GRIK2: variants seen among roughly 807,000 people sequenced by gnomAD.
GRIK2 encodes the protein glutamate receptor ionotropic, kainate 2.
A neutral mutation model predicts 100.3 loss-of-function variants in GRIK2; 32 were observed. The ratio of observed to expected loss-of-function variants is 0.32; its 90% CI spans 0.24 to 0.43. The LOEUF is 0.43. Among genes scored for constraint, GRIK2 ranks in the 20% least tolerant of loss-of-function variants. The probability of loss-of-function intolerance (pLI) is 1.00; values close to 1 mark genes in which losing one functional copy is unlikely to be tolerated. For synonymous variants in GRIK2, 417 were observed against 389.4 expected, an observed-to-expected ratio of 1.07 and a Z score of -0.83; for missense variants, 843 against 1,114.9, an observed-to-expected ratio of 0.76 and a Z score of 3.47.
intron 2 of GRIK2, among the ~76,000 whole-genome samples, chr6:101,602,677 C>T (rs991252987): frequency 3.3e-5 from 5 of 151,348 alleles, no homozygotes; most frequent in Non-Finnish European, 5.9e-5. Context: ...GTTTCAGTGC[C>T]TGGATTGGAG....
chr6:101,459,580 A>G (rs1771188502), intron 2 of GRIK2, among the ~76,000 whole-genome samples: 1 of 152,202 alleles, frequency 6.6e-6, no homozygotes, highest in African/African-American at 2.4e-5. Context: ...CTATGCAAAC[A>G]AACTAACAAA....
intron 7 of GRIK2, among the ~76,000 whole-genome samples, chr6:101,690,747 T>A (rs961100232): frequency 1.3e-5 from 2 of 152,174 alleles, no homozygotes; most frequent in Admixed American, 1.3e-4. Flanking sequence ...TGATGTGTTG[T>A]CACTCATCAT....
intron 4 of GRIK2, among the ~76,000 whole-genome samples, chr6:101,666,768 C>T (rs905972935): frequency 6.6e-6 from 1 of 152,160 alleles, no homozygotes; most frequent in Non-Finnish European, 1.5e-5. Flanking sequence ...GTAAAATTCA[C>T]TTAGATGGTT....
At chr6:101,957,517 C>T in intron 14 of GRIK2, among the ~76,000 whole-genome samples, 1 of 151,458 alleles carries the variant, frequency 6.6e-6, no homozygotes, top group East Asian at 1.9e-4. Context: ...ACTGTGCAGA[C>T]ACTTTCTAGT....
Position 101,840,779 on chromosome 6 carries a change from T to TA in GRIK2, c.1318-18501dup, listed in dbSNP as rs200747049. 5.2e-3 allele frequency among the ~76,000 whole-genome samples: 784 copies of TA among 151,380 alleles called. 8 individuals are homozygous for TA. The highest frequency in any genetic ancestry group is 0.018 in the African/African-American group (741 of 41,546). On this transcript the variant is annotated intron_variant, in intron 10 of 16. Coordinates refer to ENST00000369134, the MANE Select transcript of GRIK2 (RefSeq NM_021956.5). ...GCTTTAGTTCTACATAGTAATTGAT[T>TA]AAAAAAACAAACAAACAAAAAGCAT...
chr6:101,488,739 C>CT lies in GRIK2; in HGVS notation c.115+89354dup, dbSNP rs928243731. Among the ~76,000 whole-genome samples the CT allele has an allele frequency of 4.1e-5, 6 of 146,192 alleles. 1 individual carries two copies. The highest frequency in any genetic ancestry group is 6.0e-5 in the Non-Finnish European group (4 of 66,452). On this transcript the variant is annotated intron_variant, in intron 2 of 16. Transcript: ENST00000369134. ...AGGTTCTCATATTCACAAATAAACA[C>CT]TTTTTTTAATGCTTCTATTTAATTT...
intron 2 of GRIK2, among the ~76,000 whole-genome samples, chr6:101,479,342 C>T (rs1772408312): frequency 1.3e-5 from 2 of 151,974 alleles, no homozygotes; most frequent in South Asian, 2.1e-4. Flanking sequence ...TTAAATATTC[C>T]CTTCTCAGTG....
chr6:101,807,970 A>G (rs1781109799), intron 9 of GRIK2, among the ~76,000 whole-genome samples: 1 of 152,058 alleles, frequency 6.6e-6, no homozygotes, highest in Non-Finnish European at 1.5e-5. Flanking sequence ...AAATATAAAA[A>G]CATCATCACC....
intron 10 of GRIK2, among the ~76,000 whole-genome samples, chr6:101,832,191 A>G (rs1487117981): frequency 2.0e-5 from 3 of 152,142 alleles, no homozygotes; most frequent in Non-Finnish European, 4.4e-5. Context: ...AAACTTTTCT[A>G]AATGATCAGC....
intron 2 of GRIK2, among the ~76,000 whole-genome samples, chr6:101,540,999 T>C (rs1232524392): frequency 6.6e-6 from 1 of 151,916 alleles, no homozygotes; most frequent in East Asian, 1.9e-4. Context: ...TTGCAAAATT[T>C]AATGAAAAAT....
intron 15 of GRIK2, among the ~76,000 whole-genome samples, chr6:102,035,845 T>C (rs965953373): frequency 4.6e-5 from 7 of 151,450 alleles, no homozygotes; most frequent in Non-Finnish European, 8.9e-5. Flanking sequence ...TAACCTTCTC[T>C]TTTCAATCTT....
At chr6:101,992,423 C>T (rs995632387) in intron 14 of GRIK2, among the ~76,000 whole-genome samples, 4 of 151,470 alleles carry the variant, frequency 2.6e-5, no homozygotes, top group Non-Finnish European at 5.9e-5. Flanking sequence ...CAGTTTTCAG[C>T]GAATTCATAC....
chr6:101,920,351 T>A (rs990282255), intron 12 of GRIK2, among the ~76,000 whole-genome samples: 1 of 151,958 alleles, frequency 6.6e-6, no homozygotes, highest in Admixed American at 6.6e-5. Context: ...ACTTCTCTAT[T>A]TAGCACCATT....
chr6:101,649,408 C>T (rs1164591770), intron 4 of GRIK2, among the ~76,000 whole-genome samples: 1 of 152,006 alleles, frequency 6.6e-6, no homozygotes, highest in Non-Finnish European at 1.5e-5. Context: ...TAAGTCCATG[C>T]TTTTGTCATG....
chr6:101,556,944 C>A (rs1237963460), intron 2 of GRIK2, among the ~76,000 whole-genome samples: 1 of 151,946 alleles, frequency 6.6e-6, no homozygotes, highest in African/African-American at 2.4e-5. Flanking sequence ...ATATTTATGT[C>A]ATTGAAGTTT....
intron 7 of GRIK2, among the ~76,000 whole-genome samples, chr6:101,724,125 A>G (rs1261213543): frequency 2.0e-5 from 3 of 151,636 alleles, no homozygotes; most frequent in Non-Finnish European, 4.4e-5. Flanking sequence ...ACTTTTCAAA[A>G]TACCTCAGTT....
intron 2 of GRIK2, among the ~76,000 whole-genome samples, chr6:101,470,669 T>C (rs1175974680): frequency 6.6e-6 from 1 of 152,122 alleles, no homozygotes; most frequent in East Asian, 1.9e-4. Context: ...GGAGGATCAT[T>C]ATACTCAGAC....
intron 9 of GRIK2, among the ~76,000 whole-genome samples, chr6:101,808,859 TG>T (rs1781157890): frequency 6.6e-6 from 1 of 151,862 alleles, no homozygotes; most frequent in African/African-American, 2.4e-5. Context: ...ACAATGTGTT[TG>T]CCCCAGCGTA....
intron 7 of GRIK2, among the ~76,000 whole-genome samples, chr6:101,750,136 A>G (rs1189057750): frequency 6.6e-6 from 1 of 152,088 alleles, no homozygotes; most frequent in African/African-American, 2.4e-5. Flanking sequence ...TTTCTATGAT[A>G]AATATCGTAC....
Sources: allele counts gnomAD v4.1 joint callset (sites outside exome capture counted in the v4.1 genomes callset), GRCh38; gene constraint gnomAD v4.1.1; transcripts MANE v1.5; gene names NCBI Gene and HGNC (gene_info 2026-07-23, HGNC 2026-07-21).